Variants in WDR64 observed in about 807,000 individuals in gnomAD.
WDR64 encodes WD repeat-containing protein 64.
Under a neutral mutation model 139.3 loss-of-function variants are expected in WDR64, and 112 were observed. That is an observed-to-expected ratio of 0.80 (90% CI 0.69 to 0.94). The LOEUF (loss-of-function observed/expected upper bound fraction) is 0.94. WDR64 is among the 40% of genes least tolerant of loss of function. WDR64 has a pLI of 0.00. For synonymous variants in WDR64, 444 were observed against 437.7 expected, an observed-to-expected ratio of 1.01 and a Z score of -0.18; for missense variants, 1,206 against 1,293.1, an observed-to-expected ratio of 0.93 and a Z score of 1.03.
In WDR64 at chr1:241,741,641, A is replaced by G; in HGVS notation, c.1447A>G (p.Ile483Val). 6.2e-7 allele frequency: 1 copy of G among 1,611,528 alleles called. No homozygotes were observed. The highest frequency in any genetic ancestry group is 8.5e-7 in the Non-Finnish European group (1 of 1,179,544). ...CAAATATTTTCATCAAGTACTCACT[A>G]TCTGCTCTGAATCCATAATTAGGGT... ...YNKYFHQVLT[I>V]CSESIIRVWE... is the part of the protein sequence containing the mutation. The change falls in exon 12 of 28, where the codon ATC becomes GTC. Residue 483 changes from isoleucine (I) to valine (V), a missense_variant. Physicochemically the swap from Ile to Val is conservative, Grantham distance 29 (BLOSUM62 3). Transcript: ENST00000437684.
chr1:241,745,360 C>T (rs567474877), intron 13 of WDR64, among the ~76,000 whole-genome samples: 77 of 132,114 alleles, frequency 5.8e-4, no homozygotes, highest in African/African-American at 2.2e-3. Context: ...CTGCCCTTCA[C>T]GTGGATCGGT....
chr1:241,802,402 C>T lies in WDR64; in HGVS notation c.*1187C>T, dbSNP rs1659550813. On this transcript the variant is annotated 3_prime_UTR_variant, in exon 28 of 28. Coordinates refer to ENST00000437684, the MANE Select transcript of WDR64 (RefSeq NM_001367482.1). ...GGCCTCTGGAAGAGAGGGCAAATAT[C>T]ACAGAGAGATTTAGAGATTTAGAAG... Among the ~76,000 whole-genome samples, 1 of 152,046 alleles carries T rather than the reference C, an allele frequency of 6.6e-6. No homozygotes were observed. Among genetic ancestry groups the T allele is most frequent in the Admixed American group, 6.6e-5 (1 of 15,264 alleles).
chr1:241,657,276 T>C (rs1665643328), intron 1 of WDR64, among the ~76,000 whole-genome samples: 1 of 152,100 alleles, frequency 6.6e-6, no homozygotes, highest in African/African-American at 2.4e-5. Flanking sequence ...GCAATTGCCC[T>C]CCACTAGTTT....
intron 10 of WDR64, among the ~76,000 whole-genome samples, chr1:241,729,820 G>A (rs1669009592): frequency 6.6e-6 from 1 of 151,984 alleles, no homozygotes; most frequent in African/African-American, 2.4e-5. Context: ...CTGTTTGTAT[G>A]GGATTATCAT....
At chr1:241,735,531 C>T (rs1037830021) in intron 10 of WDR64, among the ~76,000 whole-genome samples, 15 of 96,818 alleles carry the variant, frequency 1.5e-4, no homozygotes, top group African/African-American at 6.1e-4. Flanking sequence ...CTCTCTCTCT[C>T]TCTTTTTTTT....
At chr1:241,794,371 C>G (rs1235345678) in intron 25 of WDR64, among the ~76,000 whole-genome samples, 1 of 151,876 alleles carries the variant, frequency 6.6e-6, no homozygotes, top group African/African-American at 2.4e-5. Flanking sequence ...CATTCTCTTT[C>G]AATTTAGAGA....
At chr1:241,743,041 C>G (rs937777753) in intron 12 of WDR64, among the ~76,000 whole-genome samples, 1 of 152,204 alleles carries the variant, frequency 6.6e-6, no homozygotes, top group Non-Finnish European at 1.5e-5. Flanking sequence ...TGATCGTTTG[C>G]TGGAGATTTT....
chr1:241,711,634 G>A (rs1234459322), intron 8 of WDR64, among the ~76,000 whole-genome samples, 168 bp from the exon 9 acceptor site: 1 of 152,178 alleles, frequency 6.6e-6, no homozygotes, highest in Non-Finnish European at 1.5e-5. Context: ...GGAGTAAGTA[G>A]ATTCTTACTG....
chr1:241,774,235 G>A (rs184234775), intron 20 of WDR64, among the ~76,000 whole-genome samples: 14 of 152,294 alleles, frequency 9.2e-5, no homozygotes, highest in Non-Finnish European at 1.5e-4. Context: ...CAACAACACG[G>A]AACCGCATGG....
chr1:241,764,605 G>A (rs1388376403), intron 15 of WDR64, among the ~76,000 whole-genome samples: 1 of 151,652 alleles, frequency 6.6e-6, no homozygotes, highest in Admixed American at 6.6e-5. Flanking sequence ...AGGTTGTAGT[G>A]AGCTATGATT....
chr1:241,695,326 T>G (rs1667442754), intron 8 of WDR64, among the ~76,000 whole-genome samples: 1 of 152,206 alleles, frequency 6.6e-6, no homozygotes, highest in Non-Finnish European at 1.5e-5. Flanking sequence ...TATATGTTTT[T>G]TTTCCTAACT....
At chr1:241,783,539 G>A (rs1322141887) in intron 23 of WDR64, among the ~76,000 whole-genome samples, 158 bp downstream of exon 23, 2 of 152,198 alleles carry the variant, frequency 1.3e-5, no homozygotes, top group Non-Finnish European at 2.9e-5. Context: ...TGAAAAGATG[G>A]CCACTGATTT....
At chr1:241,695,490 G>A (rs1667448490) in intron 8 of WDR64, among the ~76,000 whole-genome samples, 1 of 152,116 alleles carries the variant, frequency 6.6e-6, no homozygotes, top group South Asian at 2.1e-4. Context: ...CATTACATGG[G>A]ATGATAATTA....
Position 241,656,356 on chromosome 1 carries a change from T to C in WDR64, c.145+3727T>C, listed in dbSNP as rs924322472. On this transcript the variant is annotated intron_variant, in intron 1 of 27. Transcript: ENST00000437684. The surrounding 1 kb of genome is among the most constrained non-coding windows in gnomAD (Gnocchi z 4.3). The stretch of plus-strand genomic sequence containing the variant: ...TATCAAGTAGATTGAAGGAATTTGT[T>C]CAAAAGTAATGCTCTTAGATCTTGT... Among the ~76,000 whole-genome samples, 13 of 152,202 alleles carry C rather than the reference T, an allele frequency of 8.5e-5. No homozygotes were observed. Among genetic ancestry groups the C allele is most frequent in the Non-Finnish European group, 1.6e-4 (11 of 68,038 alleles).
At position 241,777,741 on chromosome 1, in the gene WDR64, C is replaced by G. The variant is rs139019349; in HGVS notation, c.2537-2263C>G. Among the ~76,000 whole-genome samples the G allele has an allele frequency of 4.8e-3, 733 of 152,194 alleles. 8 individuals are homozygous for G. The highest frequency in any genetic ancestry group is 0.017 in the African/African-American group (698 of 41,538). On this transcript the variant is annotated intron_variant, in intron 21 of 27. Coordinates refer to ENST00000437684, the MANE Select transcript of WDR64 (RefSeq NM_001367482.1). The stretch of plus-strand genomic sequence containing the variant: ...CCTCACCTTTATTTAATACAAAATA[C>G]TTTTAAATTTCCCTTGAGATTTATT...
At position 241,747,934 on chromosome 1, in the gene WDR64, T is replaced by C. The variant is rs973468381; in HGVS notation, c.1595-1613T>C. ...GAATTGCTGAGATCTGAGTGTAGGA[T>C]AGCATGAGAGTACAGCGCTTCTAAA... On this transcript the variant is annotated intron_variant, in intron 13 of 27. Coordinates refer to ENST00000437684, the MANE Select transcript of WDR64 (RefSeq NM_001367482.1). 2.0e-5 allele frequency among the ~76,000 whole-genome samples: 3 copies of C among 152,160 alleles called. No homozygotes were observed. In the South Asian group the frequency reaches 6.2e-4, roughly 32 times the overall value.
chr1:241,757,022 C>CAT (rs75214022), intron 14 of WDR64, among the ~76,000 whole-genome samples: 22,836 of 151,878 alleles, frequency 0.15, 1,906 homozygotes, highest in African/African-American at 0.19. Flanking sequence ...AAAGCACTAT[C>CAT]ATATATATAT....
chr1:241,794,502 C>CTTTTTTTTTTTTTTTTTTTTTTTTTTTT (rs1659299229), intron 25 of WDR64, among the ~76,000 whole-genome samples: 1 of 105,024 alleles, frequency 9.5e-6, no homozygotes. Flanking sequence ...TTAAGCTTTA[C>CTTTTTTTTTTTTTTTTTTTTTTTTTTTT]TGTTTTTTTT....
At chr1:241,705,634 C>T (rs1667923944) in intron 8 of WDR64, among the ~76,000 whole-genome samples, 1 of 151,604 alleles carries the variant, frequency 6.6e-6, no homozygotes, top group African/African-American at 2.4e-5. Flanking sequence ...GTCACCTGGA[C>T]TGGAGGGCAG....
Sources: allele counts gnomAD v4.1 joint callset (sites outside exome capture counted in the v4.1 genomes callset), GRCh38; gene constraint gnomAD v4.1.1; non-coding constraint Gnocchi (gnomAD v3.1); transcripts MANE v1.5; gene names NCBI Gene and HGNC (gene_info 2026-07-23, HGNC 2026-07-21).